BCL7C: variants seen among roughly 807,000 people sequenced by gnomAD.
BCL7C encodes the protein B-cell CLL/lymphoma 7 protein family member C.
In BCL7C, 8 loss-of-function variants were observed where a neutral mutation model predicts 26.2. The observed-to-expected ratio is 0.30, with a 90% CI of 0.18 to 0.55. BCL7C has a LOEUF of 0.55. Among genes scored for constraint, BCL7C ranks in the 20% least tolerant of loss-of-function variants. BCL7C has a pLI of 0.93. For missense variants in BCL7C, 262 were observed against 298.5 expected, an observed-to-expected ratio of 0.88 and a Z score of 0.90; for synonymous variants, 90 against 116.5, an observed-to-expected ratio of 0.77 and a Z score of 1.47.
At chr16:30,836,122 G>A (rs1046201689) in intron 5 of BCL7C, among the ~76,000 whole-genome samples, 2 of 152,036 alleles carry the variant, frequency 1.3e-5, no homozygotes, top group African/African-American at 4.8e-5. Context: ...GCATGGTGGT[G>A]TGACACCTGT....
intron 5 of BCL7C, chr16:30,875,413 C>T (rs1227723793): frequency 6.6e-6 from 1 of 152,508 alleles, no homozygotes; most frequent in African/African-American, 2.4e-5. Flanking sequence ...CTAGCACGCG[C>T]AGGGCTGCGT....
At chr16:30,846,312 G>A (rs781661376) in intron 5 of BCL7C, among the ~76,000 whole-genome samples, 1 of 150,692 alleles carries the variant, frequency 6.6e-6, no homozygotes, top group Non-Finnish European at 1.5e-5. Context: ...TGCAAGCTCC[G>A]CCTTCTGGGT....
intron 5 of BCL7C, chr16:30,835,263 T>A: frequency 1.0e-6 from 1 of 967,282 alleles, no homozygotes; most frequent in Non-Finnish European, 1.5e-6. Context: ...TGGAAAGTCT[T>A]TTGCAAGCGA....
intron 5 of BCL7C, among the ~76,000 whole-genome samples, chr16:30,839,898 T>C (rs2054591634): frequency 6.6e-6 from 1 of 152,198 alleles, no homozygotes; most frequent in South Asian, 2.1e-4. Flanking sequence ...ACAAATATTA[T>C]TTGTTTCATG....
At chr16:30,860,215 G>A (rs1366236214) in intron 5 of BCL7C, among the ~76,000 whole-genome samples, 14 of 152,188 alleles carry the variant, frequency 9.2e-5, no homozygotes, top group Non-Finnish European at 1.8e-4. Flanking sequence ...TCTTCCCTTG[G>A]TGTTTAATCA....
At chr16:30,880,126 A>C (rs925688220) in intron 5 of BCL7C, among the ~76,000 whole-genome samples, 4 of 152,052 alleles carry the variant, frequency 2.6e-5, no homozygotes, top group South Asian at 4.1e-4. Context: ...AACAAACAAA[A>C]AAAAACACTT....
At chr16:30,890,124 G>A (rs1035510558) in intron 4 of BCL7C, among the ~76,000 whole-genome samples, 2 of 151,986 alleles carry the variant, frequency 1.3e-5, no homozygotes, top group South Asian at 2.1e-4. Flanking sequence ...GGCTGGGCAC[G>A]GTGGCTCAAG....
At chr16:30,847,721 G>A (rs573488443) in intron 5 of BCL7C, among the ~76,000 whole-genome samples, 4 of 152,030 alleles carry the variant, frequency 2.6e-5, no homozygotes, top group South Asian at 2.1e-4. Context: ...GCTTGAACCC[G>A]GGAGGCGGAG....
chr16:30,848,969 C>T (rs986932739), intron 5 of BCL7C, among the ~76,000 whole-genome samples: 9 of 150,990 alleles, frequency 6.0e-5, no homozygotes, highest in Non-Finnish European at 8.8e-5. Context: ...GGGTGGATCA[C>T]GAGGTCAAGA....
intron 5 of BCL7C, among the ~76,000 whole-genome samples, chr16:30,841,438 A>G (rs2054601375): frequency 1.3e-5 from 2 of 152,196 alleles, no homozygotes; most frequent in African/African-American, 4.8e-5. Context: ...TGCAGGATGT[A>G]AGCAAACTCA....
Position 30,887,810 on chromosome 16 carries a change from T to C in BCL7C, c.*55A>G. ...TGACACAAAATTACAAAAGGGTCTTTATTTGTAAAAAGCCAAAGGGGCCCC... is the reference window on the plus strand; with the variant it reads ...TGACACAAAATTACAAAAGGGTCTTCATTTGTAAAAAGCCAAAGGGGCCCC... On this transcript the variant is annotated 3_prime_UTR_variant, in exon 6 of 6. Coordinates refer to ENST00000215115, the MANE Select transcript of BCL7C (RefSeq NM_004765.4). 1 of 1,530,426 alleles carries C rather than the reference T, an allele frequency of 6.5e-7. No individual in the cohort carries two copies. The highest frequency in any genetic ancestry group is 8.7e-7 in the Non-Finnish European group (1 of 1,145,366). The allele number at this position is 1,530,426 out of a possible 1,614,324, so 94.8% of individuals were successfully genotyped here.
At chr16:30,844,445 C>A (rs1484416725) in intron 5 of BCL7C, among the ~76,000 whole-genome samples, 1 of 150,886 alleles carries the variant, frequency 6.6e-6, no homozygotes, top group East Asian at 1.9e-4. Context: ...TATCTGGGAA[C>A]AGCAGCTACA....
intron 5 of BCL7C, among the ~76,000 whole-genome samples, chr16:30,881,476 A>C (rs550845846): frequency 6.6e-6 from 1 of 152,028 alleles, no homozygotes; most frequent in East Asian, 1.9e-4. Flanking sequence ...TTCTGCTCAG[A>C]ACACTCCACG....
intron 5 of BCL7C, among the ~76,000 whole-genome samples, chr16:30,869,776 G>C (rs1442487456): frequency 1.3e-5 from 2 of 152,150 alleles, no homozygotes; most frequent in African/African-American, 4.8e-5. Context: ...GCCTCCCAAA[G>C]TGCTGGGGTT....
intron 4 of BCL7C, among the ~76,000 whole-genome samples, chr16:30,889,862 G>C (rs2055198068): frequency 6.7e-6 from 1 of 150,240 alleles, no homozygotes; most frequent in East Asian, 2.0e-4. Flanking sequence ...GGAATCCAAG[G>C]CTGCAGTGAG....
intron 5 of BCL7C, among the ~76,000 whole-genome samples, chr16:30,835,455 A>G (rs1383986060): frequency 6.6e-6 from 1 of 152,200 alleles, no homozygotes; most frequent in Non-Finnish European, 1.5e-5. Context: ...GAGATAACCT[A>G]AAGGCAGCCT....
At chr16:30,880,907 GC>G (rs1259346174) in intron 5 of BCL7C, among the ~76,000 whole-genome samples, 2 of 151,864 alleles carry the variant, frequency 1.3e-5, no homozygotes, top group African/African-American at 4.8e-5. Context: ...TCACTATGTT[GC>G]CCAGGATAGT....
rs942788883 is a variant in BCL7C at position 30,893,464 on chromosome 16, T to C, written c.93-174A>G. ...AGAGAGTCCTGCAAACCCCAGGGCA[T>C]AGGCGGTGGGTGCCTCTAGAGAGAG... is the stretch of plus-strand genomic sequence containing the variant. On this transcript the variant is annotated intron_variant, in intron 1 of 5. Transcript: ENST00000215115. This position sits in a 1 kb window ranked among gnomAD's most constrained non-coding sequence, Gnocchi z 5.2. Among the ~76,000 whole-genome samples, 21 of 152,112 alleles carry C rather than the reference T, an allele frequency of 1.4e-4. No individual in the cohort carries two copies. The highest frequency in any genetic ancestry group is 6.5e-5 in the Admixed American group (1 of 15,280).
chr16:30,863,023 T>A (rs1350286070), intron 5 of BCL7C, among the ~76,000 whole-genome samples: 2 of 152,160 alleles, frequency 1.3e-5, no homozygotes, highest in African/African-American at 2.4e-5. Flanking sequence ...CTGTAGCCTA[T>A]CCAAACAACT....
Sources: allele counts gnomAD v4.1 joint callset (sites outside exome capture counted in the v4.1 genomes callset), GRCh38; gene constraint gnomAD v4.1.1; non-coding constraint Gnocchi (gnomAD v3.1); transcripts MANE v1.5; gene names NCBI Gene and HGNC (gene_info 2026-07-23, HGNC 2026-07-21).